SLC6A17: variants seen among roughly 807,000 people sequenced by gnomAD.
The protein encoded by SLC6A17 is solute carrier family 6 member 17, also known as sodium-dependent neutral amino acid transporter SLC6A17.
Under a neutral mutation model 64.5 loss-of-function variants are expected in SLC6A17, and 21 were observed. The ratio of observed to expected loss-of-function variants is 0.33; its 90% CI spans 0.23 to 0.47. SLC6A17 has a LOEUF of 0.47. Ranked by LOEUF, SLC6A17 falls within the 20% of genes least tolerant of loss-of-function variation. The pLI, the probability that SLC6A17 is intolerant of heterozygous loss-of-function variation, is 1.00. For synonymous variants in SLC6A17, 372 were observed against 399.5 expected (o/e 0.93, Z 0.82); for missense variants, 682 against 963.2 (o/e 0.71, Z 3.86).
At position 110,198,754 on chromosome 1, in the gene SLC6A17, C is replaced by T; in HGVS notation, c.*310C>T. The T allele has an allele frequency of 3.5e-6, 1 of 289,198 alleles. No individual in the cohort carries two copies. Among genetic ancestry groups the T allele is most frequent in the South Asian group, 6.7e-5 (1 of 14,988 alleles). 17.9% of individuals were successfully genotyped at this position (289,198 alleles called of 1,614,324 possible). ...CTGCTTCCCAGTCCATGGGAGATTC[C>T]AAGTGGCCACTGCAGGAGTCACTCA... On this transcript the variant is annotated 3_prime_UTR_variant, in exon 12 of 12. Coordinates refer to ENST00000331565, the MANE Select transcript of SLC6A17 (RefSeq NM_001010898.4).
At chr1:110,164,103 C>A (rs1348643977) in intron 1 of SLC6A17, among the ~76,000 whole-genome samples, 1 of 152,170 alleles carries the variant, frequency 6.6e-6, no homozygotes, top group Non-Finnish European at 1.5e-5. Flanking sequence ...AGACACTTTG[C>A]CTGTTTTGTT....
At chr1:110,159,928 A>G (rs1007631957) in intron 1 of SLC6A17, among the ~76,000 whole-genome samples, 2 of 152,248 alleles carry the variant, frequency 1.3e-5, no homozygotes, top group African/African-American at 4.8e-5. Flanking sequence ...TCATGCTCAT[A>G]TTATGATAAG....
chr1:110,182,608 C>G (rs567168856), intron 6 of SLC6A17, among the ~76,000 whole-genome samples: 1 of 131,774 alleles, frequency 7.6e-6, no homozygotes. Flanking sequence ...GCGGGGAGGT[C>G]GAAGAATAGG....
chr1:110,160,784 G>A (rs1655885658), intron 1 of SLC6A17, among the ~76,000 whole-genome samples: 1 of 152,194 alleles, frequency 6.6e-6, no homozygotes, highest in Non-Finnish European at 1.5e-5. Flanking sequence ...CGAGGCCCGG[G>A]AGATAGAGGG....
At chr1:110,155,428 A>G (rs569380073) in intron 1 of SLC6A17, among the ~76,000 whole-genome samples, 29 of 152,330 alleles carry the variant, frequency 1.9e-4, no homozygotes, top group African/African-American at 3.1e-4. Context: ...ACTTACTCTC[A>G]TGTTCAGAAC....
rs1656757833 is a variant in SLC6A17 at position 110,188,994 on chromosome 1, C to T, written c.865-2978C>T. Among the ~76,000 whole-genome samples, 4 of 152,324 alleles carry T rather than the reference C, an allele frequency of 2.6e-5. No homozygotes were observed. The South Asian group carries it at 8.3e-4, about 32-fold the overall frequency. On this transcript the variant is annotated intron_variant, in intron 6 of 11. Transcript: ENST00000331565. ...TTCCTCCTCCAGGCTCTGGGTTTTC[C>T]TCTTGCCTCTGCTGCTTCTCCTTCT...
At chr1:110,169,699 G>A (rs1221847168) in intron 2 of SLC6A17, among the ~76,000 whole-genome samples, 1 of 152,172 alleles carries the variant, frequency 6.6e-6, no homozygotes, top group Non-Finnish European at 1.5e-5. Flanking sequence ...CTAACATCCT[G>A]AACAGTGCTC....
Position 110,187,375 on chromosome 1 carries a change from G to A in SLC6A17, c.865-4597G>A, listed in dbSNP as rs571207571. Among the ~76,000 whole-genome samples the A allele has an allele frequency of 1.8e-4, 27 of 152,324 alleles. No homozygotes were observed. In the South Asian group the frequency reaches 4.6e-3, roughly 26 times the overall value. On this transcript the variant is annotated intron_variant, in intron 6 of 11. Transcript: ENST00000331565. ...GTGAGGTGCAGAAACAGCTGGATTG[G>A]TCACAGCTTGGTGTTTGCCTTATTT... is the stretch of plus-strand genomic sequence containing the variant.
At chr1:110,194,470 G>C in intron 8 of SLC6A17, 109 bp from the exon 9 acceptor site, 1 of 1,209,788 alleles carries the variant, frequency 8.3e-7, no homozygotes, top group Non-Finnish European at 1.2e-6. Context: ...GGGAACCCCT[G>C]TGAAAGAGGG....
chr1:110,168,428 T>C (rs1186349535), intron 2 of SLC6A17, among the ~76,000 whole-genome samples: 1 of 152,244 alleles, frequency 6.6e-6, no homozygotes, highest in African/African-American at 2.4e-5. Flanking sequence ...AATGCCCACC[T>C]GAACTCTTGT....
At chr1:110,172,344 A>C (rs1656265118) in intron 3 of SLC6A17, 127 bp downstream of exon 3, 3 of 1,226,440 alleles carry the variant, frequency 2.4e-6, no homozygotes, top group Admixed American at 2.8e-5. Flanking sequence ...GGGGATCCTC[A>C]ACATGGGAAT....
intron 1 of SLC6A17, among the ~76,000 whole-genome samples, chr1:110,157,820 C>A (rs1426690975): frequency 6.6e-6 from 1 of 152,146 alleles, no homozygotes; most frequent in African/African-American, 2.4e-5. Context: ...ACTCACCAGG[C>A]ATGCAGGTCC....
intron 2 of SLC6A17, 86 bp from the exon 3 acceptor site, chr1:110,171,974 A>C (rs939661189): frequency 7.2e-6 from 11 of 1,523,970 alleles, no homozygotes; most frequent in Middle Eastern, 3.5e-4. Flanking sequence ...GATGTGGCTG[A>C]GACTGGAAGA....
At position 110,201,474 on chromosome 1, in the gene SLC6A17, C is replaced by T. The variant is rs1657126669; in HGVS notation, c.*3030C>T. 2 of 152,278 alleles carry T rather than the reference C, an allele frequency of 1.3e-5. No individual in the cohort carries two copies. The highest frequency in any genetic ancestry group is 4.8e-5 in the African/African-American group (2 of 41,424). 9.4% of individuals were successfully genotyped at this position (152,278 alleles called of 1,614,324 possible). On this transcript the variant is annotated 3_prime_UTR_variant, in exon 12 of 12. Coordinates refer to ENST00000331565, the MANE Select transcript of SLC6A17 (RefSeq NM_001010898.4). ...TGAAAGAGTCAACAGTCCCCTGATC[C>T]CCTACCTCTGCCTGCCCTCCAGCCC...
intron 3 of SLC6A17, among the ~76,000 whole-genome samples, chr1:110,173,374 C>G (rs2101847511): frequency 6.6e-6 from 1 of 152,350 alleles, no homozygotes; most frequent in African/African-American, 2.4e-5. Context: ...AGAAACATTG[C>G]TTTCAAAGAA....
chr1:110,151,881 T>C (rs1014892168), intron 1 of SLC6A17, among the ~76,000 whole-genome samples: 18 of 152,092 alleles, frequency 1.2e-4, no homozygotes, highest in Admixed American at 3.9e-4. Context: ...AGCTGTGAAC[T>C]TGAGGCAGAT....
Position 110,194,776 on chromosome 1 carries a change from C to G in SLC6A17, c.1492+5C>G, listed in dbSNP as rs1656917802. 2 of 1,611,800 alleles carry G rather than the reference C, an allele frequency of 1.2e-6. No individual in the cohort carries two copies. Among genetic ancestry groups the G allele is most frequent in the East Asian group, 4.5e-5 (2 of 44,890 alleles). ...TGCCCAAGGAGATGTTCACAGGTAA[C>G]TCCTCCCTGCCCCCATGCCCAGGCT... On this transcript the variant is annotated splice_donor_5th_base_variant and intron_variant, in intron 9 of 11. Coordinates refer to ENST00000331565, the MANE Select transcript of SLC6A17 (RefSeq NM_001010898.4).
In SLC6A17 at chr1:110,197,566, G is replaced by T; in HGVS notation, c.1782G>T (p.Thr594=). The change falls in exon 11 of 12, where the codon ACG becomes ACT. Residue 594 remains threonine (T), a synonymous_variant. Coordinates refer to ENST00000331565, the MANE Select transcript of SLC6A17 (RefSeq NM_001010898.4). ...CCAGCATCATCCAGCTGGGGGTCAC[G>T]CCCCCGGGCTACAGCGCCTGGATCA... The part of the protein sequence containing the change: ...TTASIIQLGV[T]PPGYSAWIKE... 1 of 1,609,798 alleles carries T rather than the reference G, an allele frequency of 6.2e-7. No homozygotes were observed. The highest frequency in any genetic ancestry group is 1.1e-5 in the South Asian group (1 of 90,780).
Position 110,153,519 on chromosome 1 carries a change from A to ATGTGTG in SLC6A17, c.-88+2663_-88+2668dup, listed in dbSNP as rs3222731. 1.3e-3 allele frequency among the ~76,000 whole-genome samples: 185 copies of ATGTGTG among 137,346 alleles called. 1 individual carries two copies. The highest frequency in any genetic ancestry group is 0.012 in the South Asian group (51 of 4,140). 90.1% of individuals were successfully genotyped at this position (137,346 alleles called of 152,430 possible). ...AGGGGACTCCAATCTGCTACTGGAA[A>ATGTGTG]TGTGTGTGTGTGTGTGTGTGTGTGT... On this transcript the variant is annotated intron_variant, in intron 1 of 11. Coordinates refer to ENST00000331565, the MANE Select transcript of SLC6A17 (RefSeq NM_001010898.4).
Sources: gnomAD v4.1 joint callset for allele counts (sites outside exome capture counted in the v4.1 genomes callset) on GRCh38, gnomAD v4.1.1 for gene constraint, MANE v1.5 for transcripts, NCBI Gene and HGNC (gene_info 2026-07-23, HGNC 2026-07-21) for gene names.